ZNF420: variants seen among roughly 807,000 people sequenced by gnomAD.
ZNF420 encodes zinc finger protein 420.
A neutral mutation model predicts 44.7 loss-of-function variants in ZNF420; 31 were observed. The ratio of observed to expected loss-of-function variants is 0.69; its 90% CI spans 0.52 to 0.94. ZNF420 has a LOEUF of 0.94. Ranked by LOEUF, ZNF420 falls within the 40% of genes least tolerant of loss-of-function variation. The probability of loss-of-function intolerance (pLI) is 0.00; values close to 1 mark genes in which losing one functional copy is unlikely to be tolerated. For missense variants in ZNF420, 681 were observed against 827.9 expected, an observed-to-expected ratio of 0.82 and a Z score of 2.18; for synonymous variants, 245 against 267.4, an observed-to-expected ratio of 0.92 and a Z score of 0.82.
intron 4 of ZNF420, among the ~76,000 whole-genome samples, chr19:37,097,522 G>A (rs186680029): frequency 1.3e-5 from 2 of 152,022 alleles, no homozygotes; most frequent in Non-Finnish European, 2.9e-5. Context: ...AACTTTATTG[G>A]CAGTGTTTCT....
chr19:37,063,846 T>C (rs1163495180), intron 1 of ZNF420, among the ~76,000 whole-genome samples: 1 of 152,232 alleles, frequency 6.6e-6, no homozygotes, highest in Non-Finnish European at 1.5e-5. Context: ...GTGTTGCCAA[T>C]TGTGCCATTA....
At chr19:37,059,283 T>C (rs1265665654) in intron 1 of ZNF420, among the ~76,000 whole-genome samples, 1 of 152,158 alleles carries the variant, frequency 6.6e-6, no homozygotes, top group East Asian at 1.9e-4. Flanking sequence ...GGAGCTTCCC[T>C]GCCTTAGCGC....
chr19:37,060,406 C>A (rs544810610), intron 1 of ZNF420, among the ~76,000 whole-genome samples: 119 of 152,332 alleles, frequency 7.8e-4, no homozygotes, highest in African/African-American at 2.5e-3. Context: ...CTCCCCTCAG[C>A]CCGTGGCGGT....
At chr19:37,112,470 C>G (rs1970433219) in intron 4 of ZNF420, among the ~76,000 whole-genome samples, 1 of 152,194 alleles carries the variant, frequency 6.6e-6, no homozygotes, top group African/African-American at 2.4e-5. Flanking sequence ...CCTACGCCGA[C>G]AAGTCCTGTA....
At chr19:37,092,759 T>C (rs1309208080) in intron 4 of ZNF420, among the ~76,000 whole-genome samples, 1 of 151,718 alleles carries the variant, frequency 6.6e-6, no homozygotes, top group Non-Finnish European at 1.5e-5. Flanking sequence ...GATATAGTTA[T>C]TTCACATGCT....
chr19:37,078,630 C>G (rs570324833), intron 1 of ZNF420, 60 bp downstream of exon 1: 1 of 152,494 alleles, frequency 6.6e-6, no homozygotes, highest in African/African-American at 2.4e-5. Context: ...TGGGGTTACT[C>G]GTGTGGCCGT....
At chr19:37,065,117 C>T (rs940891373) in intron 1 of ZNF420, among the ~76,000 whole-genome samples, 2 of 152,158 alleles carry the variant, frequency 1.3e-5, no homozygotes, top group Non-Finnish European at 2.9e-5. Flanking sequence ...AGAGCAGATT[C>T]TTTTAACTCA....
At chr19:37,043,738 G>C (rs1391893537) in intron 1 of ZNF420, among the ~76,000 whole-genome samples, 1 of 152,124 alleles carries the variant, frequency 6.6e-6, no homozygotes, top group Non-Finnish European at 1.5e-5. Flanking sequence ...CTCCTGAAGT[G>C]CTGGGATTAC....
intron 1 of ZNF420, among the ~76,000 whole-genome samples, chr19:37,009,543 T>A (rs1050458312): frequency 6.6e-6 from 1 of 152,168 alleles, no homozygotes; most frequent in Non-Finnish European, 1.5e-5. Context: ...TCACATTGGC[T>A]CCACCTCGGA....
intron 1 of ZNF420, among the ~76,000 whole-genome samples, chr19:37,055,077 G>C (rs76380511): frequency 0.024 from 3,670 of 152,242 alleles, 159 homozygotes; most frequent in African/African-American, 0.083. Flanking sequence ...TTGGGAGGTA[G>C]GGATTTAAGA....
intron 4 of ZNF420, among the ~76,000 whole-genome samples, chr19:37,095,099 C>G (rs1969363763): frequency 6.7e-6 from 1 of 149,922 alleles, no homozygotes. Context: ...CCACAGCACT[C>G]CAGCCTAGTG....
At chr19:37,087,464 C>G (rs922959846) in intron 2 of ZNF420, among the ~76,000 whole-genome samples, 20 of 151,930 alleles carry the variant, frequency 1.3e-4, no homozygotes, top group Non-Finnish European at 1.8e-4. Context: ...TTAGGATGGG[C>G]CCAAGTATCT....
In ZNF420 at chr19:37,129,194, A is replaced by G. The variant is rs1014939465; in HGVS notation, c.*136A>G. The G allele has an allele frequency of 5.0e-5, 55 of 1,092,022 alleles. No individual in the cohort carries two copies. Among genetic ancestry groups the G allele is most frequent in the Non-Finnish European group, 6.8e-5 (52 of 767,074 alleles). 67.6% of individuals were successfully genotyped at this position (1,092,022 alleles called of 1,614,324 possible). Reference sequence around the variant, plus strand: ...GATAATTTATGTGAGAGAAAATGGTAGTGTCATTCATATAGAAAAACATCA... The same window carrying G: ...GATAATTTATGTGAGAGAAAATGGTGGTGTCATTCATATAGAAAAACATCA... On this transcript the variant is annotated 3_prime_UTR_variant, in exon 5 of 5. Coordinates refer to ENST00000337995, the MANE Select transcript of ZNF420 (RefSeq NM_144689.5).
At chr19:37,015,482 T>C (rs976671263) in intron 1 of ZNF420, among the ~76,000 whole-genome samples, 2 of 152,138 alleles carry the variant, frequency 1.3e-5, no homozygotes, top group African/African-American at 4.8e-5. Flanking sequence ...CAGGATCCCC[T>C]TGAGCCCACT....
chr19:37,053,723 T>G (rs1967686514), intron 1 of ZNF420, among the ~76,000 whole-genome samples: 1 of 151,906 alleles, frequency 6.6e-6, no homozygotes, highest in African/African-American at 2.4e-5. Flanking sequence ...CTCTGAAAGT[T>G]TTGTCTCAGA....
At chr19:37,122,226 A>G (rs1971086521) in intron 4 of ZNF420, among the ~76,000 whole-genome samples, 1 of 152,218 alleles carries the variant, frequency 6.6e-6, no homozygotes, top group Non-Finnish European at 1.5e-5. Flanking sequence ...ATGTCCAACA[A>G]TGATAGACTG....
At chr19:37,121,374 A>G (rs1405490911) in intron 4 of ZNF420, among the ~76,000 whole-genome samples, 1 of 148,108 alleles carries the variant, frequency 6.8e-6, no homozygotes, top group Non-Finnish European at 1.5e-5. Flanking sequence ...AGCAATGGGG[A>G]AAGGATTCCC....
chr19:37,110,232 G>T (rs1230444748), intron 4 of ZNF420, among the ~76,000 whole-genome samples: 1 of 152,310 alleles, frequency 6.6e-6, no homozygotes, highest in African/African-American at 2.4e-5. Flanking sequence ...TCCAAATGAA[G>T]GTACATGCGT....
chr19:37,105,135 T>TAACA (rs964091898), intron 4 of ZNF420, among the ~76,000 whole-genome samples: 1 of 152,240 alleles, frequency 6.6e-6, no homozygotes, highest in Non-Finnish European at 1.5e-5. Flanking sequence ...GTTTTAGGTC[T>TAACA]AACATTTAAG....
Sources: gnomAD v4.1 joint callset for allele counts (sites outside exome capture counted in the v4.1 genomes callset) on GRCh38, gnomAD v4.1.1 for gene constraint, MANE v1.5 for transcripts, NCBI Gene and HGNC (gene_info 2026-07-23, HGNC 2026-07-21) for gene names.